RBM26: variants seen among roughly 807,000 people sequenced by gnomAD.
RBM26 encodes the protein RNA binding motif protein 26, also known as RNA-binding protein 26.
A neutral mutation model predicts 123.6 loss-of-function variants in RBM26; 30 were observed. The observed-to-expected ratio is 0.24, with a 90% CI of 0.18 to 0.33. The LOEUF is 0.33. Ranked by LOEUF, RBM26 falls within the 10% of genes least tolerant of loss-of-function variation. The probability of loss-of-function intolerance (pLI) is 1.00; values close to 1 mark genes in which losing one functional copy is unlikely to be tolerated. For missense variants in RBM26, 947 were observed against 1,203.6 expected (o/e 0.79, Z 3.15); for synonymous variants, 400 against 404.4 (o/e 0.99, Z 0.13).
In RBM26 at chr13:79,392,749, A is replaced by T. The variant is rs2078206344; in HGVS notation, c.71+12955T>A. Among the ~76,000 whole-genome samples, 3 of 151,360 alleles carry T rather than the reference A, an allele frequency of 2.0e-5. No individual in the cohort carries two copies. In the South Asian group the frequency reaches 6.2e-4, roughly 31 times the overall value. On this transcript the variant is annotated intron_variant, in intron 1 of 21. Coordinates refer to ENST00000438737, the MANE Select transcript of RBM26 (RefSeq NM_001366735.2). ...CAACAAGAAACAAGCCGCTTTAACT[A>T]CAAAACTGTAGTATTTTTTAAAACC...
intron 3 of RBM26, among the ~76,000 whole-genome samples, chr13:79,375,274 G>A (rs997296926): frequency 6.7e-6 from 1 of 150,328 alleles, no homozygotes; most frequent in Non-Finnish European, 1.5e-5. Context: ...CCAGGTTCAA[G>A]CGATTCTCCT....
At chr13:79,329,539 G>T (rs2068967614) in intron 20 of RBM26, among the ~76,000 whole-genome samples, 1 of 152,054 alleles carries the variant, frequency 6.6e-6, no homozygotes, top group African/African-American at 2.4e-5. Context: ...AATGAACCTA[G>T]AACACCTTCT....
intron 19 of RBM26, 66 bp downstream of exon 19, chr13:79,337,032 CTCTT>C: frequency 1.7e-5 from 23 of 1,375,962 alleles, no homozygotes; most frequent in Non-Finnish European, 2.0e-5. Context: ...TCATAACTTC[CTCTT>C]TAATTATGTC....
downstream of RBM26, chr13:79,315,025 T>G (rs890559512): frequency 1.2e-5 from 15 of 1,247,314 alleles, no homozygotes; most frequent in Non-Finnish European, 1.6e-5. Context: ...AAAAAAAACT[T>G]TGAAAATAGC....
chr13:79,369,329 T>C (rs909302658), intron 5 of RBM26, among the ~76,000 whole-genome samples: 4 of 152,142 alleles, frequency 2.6e-5, no homozygotes, highest in Non-Finnish European at 5.9e-5. Context: ...TAAAGTATGG[T>C]TATTTTTCCT....
At chr13:79,351,917 C>T (rs2073298680) in intron 14 of RBM26, among the ~76,000 whole-genome samples, 1 of 152,036 alleles carries the variant, frequency 6.6e-6, no homozygotes, top group Non-Finnish European at 1.5e-5. Flanking sequence ...GGCTAGGGAA[C>T]TGAAGGTGGC....
chr13:79,338,510 T>C (rs1276851152), intron 18 of RBM26, among the ~76,000 whole-genome samples: 1 of 152,166 alleles, frequency 6.6e-6, no homozygotes, highest in African/African-American at 2.4e-5. Flanking sequence ...AGAAATGTAA[T>C]TTCCCAAAGA....
intron 9 of RBM26, among the ~76,000 whole-genome samples, chr13:79,364,655 GTTT>G: frequency 6.7e-6 from 1 of 149,668 alleles, no homozygotes; most frequent in Non-Finnish European, 1.5e-5. Context: ...AATCTTATTA[GTTT>G]ACATTTACAT....
downstream of RBM26, chr13:79,315,012 A>AT (rs2067019060): frequency 7.7e-7 from 1 of 1,290,728 alleles, no homozygotes; most frequent in Non-Finnish European, 1.0e-6. Context: ...AGAGAAGACT[A>AT]TTAAAAAAAA....
In RBM26 at chr13:79,378,808, C is replaced by T. The variant is rs144488894; in HGVS notation, c.171G>A (p.Leu57=). The T allele has an allele frequency of 2.0e-5, 32 of 1,590,010 alleles. No homozygotes were observed. The African/African-American group carries it at 3.9e-4, about 19-fold the overall frequency. ...TCTTACCTTTCTGAAGAAATACATC[C>T]AGCTGATCAATACATAATGCCTTTA... ...KELKALCIDQ[L]DVFLQKETQI... Residue 57 remains leucine (L), a synonymous_variant, in exon 2 of 22, where the codon CTG becomes CTA. Transcript: ENST00000438737.
rs1387207415 is a variant in RBM26 at position 79,365,525 on chromosome 13, T to C, written c.1417+53A>G. 19 of 1,416,692 alleles carry C rather than the reference T, an allele frequency of 1.3e-5. 1 individual carries two copies. In the East Asian group the frequency reaches 4.3e-4, roughly 32 times the overall value. The allele number at this position is 1,416,692 out of a possible 1,614,324, so 87.8% of individuals were successfully genotyped here. A position where few individuals can be genotyped will look rare whatever the true frequency, so the allele number is the denominator to read the frequency against. ...AGACCAACTGTTCTTTATAAATGTT[T>C]TCCCACTGTTTATATTATGAAAATG... On this transcript the variant is annotated intron_variant, in intron 9 of 21. Coordinates refer to ENST00000438737, the MANE Select transcript of RBM26 (RefSeq NM_001366735.2).
chr13:79,356,759 A>T (rs941303375), intron 11 of RBM26, among the ~76,000 whole-genome samples: 1 of 152,224 alleles, frequency 6.6e-6, no homozygotes, highest in Non-Finnish European at 1.5e-5. Context: ...TAATACAGGT[A>T]GTACACAGAC....
In RBM26 at chr13:79,332,105, T is replaced by C. The variant is rs1180594266; in HGVS notation, c.2820+2239A>G. 2.6e-5 allele frequency among the ~76,000 whole-genome samples: 4 copies of C among 152,312 alleles called. No individual in the cohort carries two copies. In the East Asian group the frequency reaches 7.7e-4, roughly 29 times the overall value. On this transcript the variant is annotated intron_variant, in intron 20 of 21. Coordinates refer to ENST00000438737, the MANE Select transcript of RBM26 (RefSeq NM_001366735.2). Reference sequence around the variant, plus strand: ...TGAAATACTATGCATCTATTGATTATAGAAAATAAATTCATTCAGTCATCT... The same window carrying C: ...TGAAATACTATGCATCTATTGATTACAGAAAATAAATTCATTCAGTCATCT...
At chr13:79,361,217 T>C (rs1215032518) in intron 9 of RBM26, among the ~76,000 whole-genome samples, 3 of 152,142 alleles carry the variant, frequency 2.0e-5, no homozygotes, top group Admixed American at 1.3e-4. Context: ...CAAGTCATAT[T>C]TGATATATGA....
At chr13:79,340,553 T>C (rs1396108531) in intron 18 of RBM26, among the ~76,000 whole-genome samples, 5 of 152,002 alleles carry the variant, frequency 3.3e-5, no homozygotes, top group African/African-American at 4.8e-5. Context: ...GAACCTCTTT[T>C]TGCTATTCAA....
chr13:79,362,514 T>C (rs1482246814), intron 9 of RBM26, among the ~76,000 whole-genome samples: 1 of 152,184 alleles, frequency 6.6e-6, no homozygotes, highest in South Asian at 2.1e-4. Context: ...ATAGGCTGTA[T>C]CTATTCTCTT....
exon 5 of RBM26, chr13:79,312,429 A>G (rs1448081869): frequency 2.0e-5 from 3 of 151,998 alleles, no homozygotes; most frequent in Non-Finnish European, 2.9e-5. Context: ...AAACAAAAAA[A>G]TCGACACATC....
At position 79,355,334 on chromosome 13, in the gene RBM26, G is replaced by A. The variant is rs756560990; in HGVS notation, c.1740C>T (p.Tyr580=). 31 of 1,613,406 alleles carry A rather than the reference G, an allele frequency of 1.9e-5. No individual in the cohort carries two copies. Among genetic ancestry groups the A allele is most frequent in the Middle Eastern group, 1.6e-4 (1 of 6,084 alleles). The change falls in exon 12 of 22, where the codon TAC becomes TAT. Residue 580 remains tyrosine, a synonymous_variant. Coordinates refer to ENST00000438737, the MANE Select transcript of RBM26 (RefSeq NM_001366735.2). ...TTGATATTGCTTTCTTTGCTTCTTC[G>A]TATGTTGCAAATTGGATTAGGGCAC... is the stretch of plus-strand genomic sequence containing the variant. The part of the protein sequence containing the change: ...PEGALIQFAT[Y]EEAKKAISST...
intron 6 of RBM26, among the ~76,000 whole-genome samples, chr13:79,368,306 G>A (rs376590897): frequency 1.3e-5 from 2 of 152,268 alleles, no homozygotes; most frequent in Non-Finnish European, 2.9e-5. Context: ...GATTACAGGC[G>A]TGAGCCGCTG....
Sources: gnomAD v4.1 joint callset for allele counts (sites outside exome capture counted in the v4.1 genomes callset) on GRCh38, gnomAD v4.1.1 for gene constraint, MANE v1.5 for transcripts, NCBI Gene and HGNC (gene_info 2026-07-23, HGNC 2026-07-21) for gene names.